Variants in FKBP5 observed in about 807,000 individuals in gnomAD.
FKBP5 encodes peptidyl-prolyl cis-trans isomerase FKBP5.
In FKBP5, 23 loss-of-function variants were observed where a neutral mutation model predicts 50.5. The ratio of observed to expected loss-of-function variants is 0.46; its 90% CI spans 0.33 to 0.65. The LOEUF is 0.65. FKBP5 is among the 30% of genes least tolerant of loss of function. The probability of loss-of-function intolerance (pLI) is 0.02; values close to 1 mark genes in which losing one functional copy is unlikely to be tolerated. For missense variants in FKBP5, 411 were observed against 553.1 expected (o/e 0.74, Z 2.58); for synonymous variants, 176 against 190.6 (o/e 0.92, Z 0.63).
At chr6:35,583,812 A>T in intron 8 of FKBP5, 8 of 985,298 alleles carry the variant, frequency 8.1e-6, no homozygotes, top group Non-Finnish European at 9.6e-6. Context: ...CTTCTTAGGA[A>T]TTTTTTTTAA....
chr6:35,583,225 C>T, intron 8 of FKBP5: 1 of 985,388 alleles, frequency 1.0e-6, no homozygotes. Flanking sequence ...TTTCTTCATC[C>T]TCTCTCCTCC....
chr6:35,686,464 T>A (rs753024859), intron 1 of FKBP5, among the ~76,000 whole-genome samples: 5 of 152,124 alleles, frequency 3.3e-5, no homozygotes, highest in African/African-American at 9.7e-5. Context: ...AATAAACAAC[T>A]AATTATTAAT....
chr6:35,600,375 G>A (rs1381806098), intron 5 of FKBP5, among the ~76,000 whole-genome samples: 2 of 151,678 alleles, frequency 1.3e-5, no homozygotes, highest in Admixed American at 1.3e-4. Flanking sequence ...TTGTTATTGC[G>A]GCACTGTAAT....
rs369940228 is a variant in FKBP5, at chr6:35,697,547, C to CAAAA, written c.-20+22777_-20+22780dup. The stretch of plus-strand genomic sequence containing the variant: ...GGGCAACGAGAGTGAAACTCTGTCT[C>CAAAA]AAAAAAAAAAAAAAAAAGAATGAAG... On this transcript the variant is annotated intron_variant, in intron 2 of 11. Coordinates refer to the FKBP5 transcript ENST00000536438. 3.1e-3 allele frequency among the ~76,000 whole-genome samples: 389 copies of CAAAA among 124,068 alleles called. 7 individuals are homozygous for CAAAA. The highest frequency in any genetic ancestry group is 6.5e-3 in the Admixed American group (75 of 11,466). The allele number at this position is 124,068 out of a possible 152,430, so 81.4% of individuals were successfully genotyped here.
At chr6:35,586,777 G>A in intron 8 of FKBP5, 1 of 1,368,330 alleles carries the variant, frequency 7.3e-7, no homozygotes, top group Non-Finnish European at 9.5e-7. Flanking sequence ...GGTGGGTGGG[G>A]ATGCCAGACC....
intron 5 of FKBP5, among the ~76,000 whole-genome samples, chr6:35,600,700 G>A (rs756924362): frequency 1.3e-5 from 2 of 152,146 alleles, no homozygotes; most frequent in Non-Finnish European, 1.5e-5. Context: ...CCCTTAAGGA[G>A]AGTACATTTA....
rs1483470494 is a variant in FKBP5, at chr6:35,575,012, G to A, written c.*823C>T. On this transcript the variant is annotated 3_prime_UTR_variant, in exon 11 of 11. Coordinates refer to ENST00000357266, the MANE Select transcript of FKBP5 (RefSeq NM_004117.4). ...TTATTCCCTAAAAGGAATAGAGGAG[G>A]GGAGAAAAAGCACAATTCTGATTGC... 1 of 152,162 alleles carries A rather than the reference G, an allele frequency of 6.6e-6. No homozygotes were observed. Among genetic ancestry groups the A allele is most frequent in the Non-Finnish European group, 1.5e-5 (1 of 68,032 alleles). The allele number at this position is 152,162 out of a possible 1,614,324, so 9.4% of individuals were successfully genotyped here. A position where few individuals can be genotyped will look rare whatever the true frequency, so the allele number is the denominator to read the frequency against.
At chr6:35,711,231 C>A (rs903763020) in intron 2 of FKBP5, among the ~76,000 whole-genome samples, 31 of 150,986 alleles carry the variant, frequency 2.1e-4, no homozygotes, top group African/African-American at 7.3e-4. Context: ...GTGAGAGGAT[C>A]ACTTGAGTCT....
chr6:35,673,054 T>A (rs892099653), intron 1 of FKBP5, among the ~76,000 whole-genome samples: 2 of 152,120 alleles, frequency 1.3e-5, no homozygotes, highest in Admixed American at 6.6e-5. Flanking sequence ...AATTGGTGAT[T>A]GGGAATTAAC....
chr6:35,686,973 T>G (rs958823478), intron 1 of FKBP5, among the ~76,000 whole-genome samples: 3 of 152,234 alleles, frequency 2.0e-5, no homozygotes, highest in Non-Finnish European at 4.4e-5. Context: ...CTATATTCTT[T>G]TTAATCTAAA....
Position 35,574,045 on chromosome 6 carries a change from G to C in FKBP5, c.*1790C>G, listed in dbSNP as rs1306646963. 1 of 152,190 alleles carries C rather than the reference G, an allele frequency of 6.6e-6. No homozygotes were observed. Among genetic ancestry groups the C allele is most frequent in the Non-Finnish European group, 1.5e-5 (1 of 68,042 alleles). The allele number at this position is 152,190 out of a possible 1,614,324, so 9.4% of individuals were successfully genotyped here. A position where few individuals can be genotyped will look rare whatever the true frequency, so the allele number is the denominator to read the frequency against. On this transcript the variant is annotated 3_prime_UTR_variant, in exon 11 of 11. Transcript: ENST00000357266. Reference sequence around the variant, plus strand: ...TCTACAGAGCTTTCCCAACAGTTTAGCAAGTAAGCAAAATCAGCTTTTGCT... The same window carrying C: ...TCTACAGAGCTTTCCCAACAGTTTACCAAGTAAGCAAAATCAGCTTTTGCT...
chr6:35,667,431 T>A (rs976254127), intron 1 of FKBP5, among the ~76,000 whole-genome samples: 1 of 152,140 alleles, frequency 6.6e-6, no homozygotes, highest in Non-Finnish European at 1.5e-5. Flanking sequence ...ATGGCTCCCA[T>A]AAGACAAATA....
At chr6:35,630,957 T>A (rs1764135526) in intron 3 of FKBP5, among the ~76,000 whole-genome samples, 1 of 152,148 alleles carries the variant, frequency 6.6e-6, no homozygotes, top group Non-Finnish European at 1.5e-5. Context: ...TACAACTCAG[T>A]AAGACAAACA....
chr6:35,579,587 T>C (rs1372269280), intron 9 of FKBP5, among the ~76,000 whole-genome samples: 1 of 152,208 alleles, frequency 6.6e-6, no homozygotes, highest in African/African-American at 2.4e-5. Context: ...ACCTTTCATA[T>C]TATTTATGCA....
At chr6:35,714,296 A>G in intron 2 of FKBP5, among the ~76,000 whole-genome samples, 2 of 140,956 alleles carry the variant, frequency 1.4e-5, no homozygotes, top group African/African-American at 5.5e-5. Flanking sequence ...TACTAAAAAT[A>G]CAAAAATTAG....
At chr6:35,688,565 G>A (rs1217478096) in intron 1 of FKBP5, among the ~76,000 whole-genome samples, 1 of 150,924 alleles carries the variant, frequency 6.6e-6, no homozygotes, top group African/African-American at 2.4e-5. Context: ...GGGGAGCACC[G>A]GCCCCGCGGC....
At chr6:35,720,930 T>C (rs2151024578) in intron 1 of FKBP5, among the ~76,000 whole-genome samples, 1 of 152,268 alleles carries the variant, frequency 6.6e-6, no homozygotes, top group African/African-American at 2.4e-5. Flanking sequence ...TATTTACAAA[T>C]TAGGAAACTG....
In FKBP5 at chr6:35,575,515, T is replaced by A. The variant is rs540424890; in HGVS notation, c.*320A>T. ...ACCTAACAGCCCCACATTGTTAGGA[T>A]GATCTCCAGGGACCCTGAATTGGAT... On this transcript the variant is annotated 3_prime_UTR_variant, in exon 11 of 11. Coordinates refer to ENST00000357266, the MANE Select transcript of FKBP5 (RefSeq NM_004117.4). 3.8e-4 allele frequency: 102 copies of A among 269,786 alleles called. No individual in the cohort carries two copies. Among genetic ancestry groups the A allele is most frequent in the African/African-American group, 2.1e-3 (100 of 47,146 alleles). 16.7% of individuals were successfully genotyped at this position (269,786 alleles called of 1,614,324 possible).
rs1475009230 is a variant in FKBP5 at position 35,574,173 on chromosome 6, G to GA, written c.*1661dup. 2.0e-5 allele frequency: 3 copies of GA among 152,142 alleles called. No individual in the cohort carries two copies. The highest frequency in any genetic ancestry group is 2.9e-5 in the Non-Finnish European group (2 of 68,016). 9.4% of individuals were successfully genotyped at this position (152,142 alleles called of 1,614,324 possible). A position where few individuals can be genotyped will look rare whatever the true frequency, so the allele number is the denominator to read the frequency against. Reference sequence around the variant, plus strand: ...AGAGGGATTTTAGTTATCATTAAAGGAAAAAACTCACAAATTGATCCCATT... The same window carrying GA: ...AGAGGGATTTTAGTTATCATTAAAGGAAAAAAACTCACAAATTGATCCCATT... On this transcript the variant is annotated 3_prime_UTR_variant, in exon 11 of 11. Transcript: ENST00000357266.
Sources: allele counts gnomAD v4.1 joint callset (sites outside exome capture counted in the v4.1 genomes callset), GRCh38; gene constraint gnomAD v4.1.1; transcripts MANE v1.5; gene names NCBI Gene and HGNC (gene_info 2026-07-23, HGNC 2026-07-21).